The following PCDH15 variants were observed in gnomAD, a reference collection of about 807,000 sequenced individuals.
The protein encoded by PCDH15 is protocadherin-15.
PCDH15 carries 129 observed loss-of-function variants against 178.5 expected under a neutral mutation model. The ratio of observed to expected loss-of-function variants is 0.72; its 90% confidence interval spans 0.63 to 0.84. The LOEUF is 0.84. PCDH15 is among the 40% of genes least tolerant of loss of function. PCDH15 has a pLI of 0.00. For missense variants in PCDH15, 2,230 were observed against 2,099.9 expected, an observed-to-expected ratio of 1.06 and a Z score of -1.21; for synonymous variants, 800 against 732.0, an observed-to-expected ratio of 1.09 and a Z score of -1.50.
intron 2 of PCDH15, among the ~76,000 whole-genome samples, chr10:55,416,044 C>T (rs1034984412): frequency 3.6e-4 from 39 of 109,666 alleles, no homozygotes; most frequent in Non-Finnish European, 3.3e-4. Flanking sequence ...AAAAAACAAA[C>T]AAACAAGCAA....
chr10:54,257,472 G>T (rs1425034124), intron 8 of PCDH15, among the ~76,000 whole-genome samples: 3 of 146,382 alleles, frequency 2.0e-5, no homozygotes, highest in Admixed American at 7.0e-5. Flanking sequence ...GTAAGGCAAG[G>T]TTCCCTAAAG....
intron 1 of PCDH15, among the ~76,000 whole-genome samples, chr10:55,291,277 T>C: frequency 6.6e-6 from 1 of 152,128 alleles, no homozygotes; most frequent in Non-Finnish European, 1.5e-5. Flanking sequence ...TAAAACTTAA[T>C]ACAATGACAA....
At chr10:54,834,384 G>A (rs1385751770) in intron 3 of PCDH15, among the ~76,000 whole-genome samples, 1 of 151,772 alleles carries the variant, frequency 6.6e-6, no homozygotes, top group Non-Finnish European at 1.5e-5. Context: ...TTGCCACGTT[G>A]GTCAGGCTGG....
At chr10:54,609,148 A>G (rs965415254) in intron 2 of PCDH15, among the ~76,000 whole-genome samples, 21 of 152,266 alleles carry the variant, frequency 1.4e-4, no homozygotes, top group African/African-American at 5.1e-4. Context: ...TTTGGAAAAT[A>G]TAAATGAGCA....
intron 15 of PCDH15, among the ~76,000 whole-genome samples, chr10:54,097,862 G>A (rs2094728298): frequency 6.6e-6 from 1 of 152,060 alleles, no homozygotes; most frequent in Admixed American, 6.6e-5. Flanking sequence ...AGGAGGGGAG[G>A]GCATGGGACA....
chr10:54,608,964 T>C (rs2092866110), intron 2 of PCDH15, among the ~76,000 whole-genome samples: 1 of 152,126 alleles, frequency 6.6e-6, no homozygotes, highest in Admixed American at 6.6e-5. Context: ...ATAAGATGTA[T>C]GTGAGCAAAA....
At chr10:54,822,545 C>T (rs118113662) in intron 3 of PCDH15, among the ~76,000 whole-genome samples, 2,891 of 152,100 alleles carry the variant, frequency 0.019, 36 homozygotes, top group Admixed American at 0.029. Context: ...TTGATGAAAA[C>T]TTAGGTTGAC....
In PCDH15 at chr10:54,536,997, C is replaced by CTTTTTTTTTTT. The variant is rs747880795; in HGVS notation, c.92-9131_92-9121dup. Among the ~76,000 whole-genome samples, 5 of 92,118 alleles carry CTTTTTTTTTTT rather than the reference C, an allele frequency of 5.4e-5. 1 individual carries two copies. Among genetic ancestry groups the CTTTTTTTTTTT allele is most frequent in the South Asian group, 4.1e-4 (1 of 2,468 alleles). 60.4% of individuals were successfully genotyped at this position (92,118 alleles called of 152,430 possible). ...ACTATTTGGTGGAACAATTTGTTTCCTTTTTTTTTTTTTTTTTTTTTGAGA... is the reference window on the plus strand; with the variant it reads ...ACTATTTGGTGGAACAATTTGTTTCCTTTTTTTTTTTTTTTTTTTTTTTTTTTTTTTTGAGA... On this transcript the variant is annotated intron_variant, in intron 2 of 37. Transcript: ENST00000644397.
At chr10:54,435,055 T>C (rs367578429) in intron 3 of PCDH15, among the ~76,000 whole-genome samples, 3 of 151,592 alleles carry the variant, frequency 2.0e-5, no homozygotes, top group African/African-American at 7.3e-5. Flanking sequence ...TTTAAACTTA[T>C]CTTACTTCCT....
At chr10:54,981,552 A>G (rs1839231924) in intron 2 of PCDH15, among the ~76,000 whole-genome samples, 2 of 152,208 alleles carry the variant, frequency 1.3e-5, no homozygotes, top group African/African-American at 4.8e-5. Flanking sequence ...CTCCATATCA[A>G]ACCAGATTGC....
intron 2 of PCDH15, among the ~76,000 whole-genome samples, chr10:54,912,765 A>T (rs1043962091): frequency 1.3e-5 from 2 of 152,174 alleles, no homozygotes; most frequent in Non-Finnish European, 2.9e-5. Context: ...AGACAGAAAG[A>T]TGAGGGAAAG....
intron 2 of PCDH15, among the ~76,000 whole-genome samples, chr10:55,580,103 C>T (rs774085378): frequency 1.3e-5 from 2 of 152,144 alleles, no homozygotes; most frequent in Admixed American, 6.5e-5. Context: ...GTGATCCACC[C>T]GCCTCGGCCT....
intron 3 of PCDH15, among the ~76,000 whole-genome samples, chr10:54,810,897 T>A (rs537991172): frequency 5.0e-4 from 76 of 152,270 alleles, no homozygotes; most frequent in Non-Finnish European, 7.5e-4. Flanking sequence ...ACCTTAAGAA[T>A]TCTTTTAAAC....
rs191945973 is a variant in PCDH15 at position 54,036,649 on chromosome 10, G to T, written c.2221-13452C>A. On this transcript the variant is annotated intron_variant, in intron 18 of 37. Transcript: ENST00000644397. ...ATGCACCTGGTCACTCAAGAGTTCTGATGGAGATGTAAAAGGACATCAGTG... is the reference window on the plus strand; with the variant it reads ...ATGCACCTGGTCACTCAAGAGTTCTTATGGAGATGTAAAAGGACATCAGTG... Among the ~76,000 whole-genome samples, 12 of 151,930 alleles carry T rather than the reference G, an allele frequency of 7.9e-5. No individual in the cohort carries two copies. The East Asian group carries it at 2.3e-3, about 30-fold the overall frequency.
chr10:55,331,911 A>G (rs1370155665), intron 2 of PCDH15, among the ~76,000 whole-genome samples: 1 of 152,152 alleles, frequency 6.6e-6, no homozygotes, highest in African/African-American at 2.4e-5. Flanking sequence ...TGATAATGGA[A>G]AACAAATGCA....
At chr10:54,675,498 T>G (rs1316518315) in intron 1 of PCDH15, among the ~76,000 whole-genome samples, 1 of 148,738 alleles carries the variant, frequency 6.7e-6, no homozygotes, top group Non-Finnish European at 1.5e-5. Context: ...AATTTTTAAC[T>G]CTCTCTATTT....
At chr10:55,332,570 A>C (rs541453286) in intron 2 of PCDH15, among the ~76,000 whole-genome samples, 1 of 152,140 alleles carries the variant, frequency 6.6e-6, no homozygotes, top group African/African-American at 2.4e-5. Flanking sequence ...AGAATAAAGT[A>C]TCTTGCTGAC....
intron 1 of PCDH15, among the ~76,000 whole-genome samples, chr10:54,797,785 C>T (rs754104147): frequency 6.6e-5 from 10 of 151,880 alleles, no homozygotes; most frequent in Non-Finnish European, 1.0e-4. Flanking sequence ...ATAAATAGCA[C>T]ACATGTGTAT....
intron 5 of PCDH15, among the ~76,000 whole-genome samples, chr10:54,351,834 T>C (rs1042527316): frequency 6.6e-6 from 1 of 152,196 alleles, no homozygotes; most frequent in African/African-American, 2.4e-5. Context: ...CTTGCCAGTT[T>C]TCCTACAAGA....
Sources: allele counts gnomAD v4.1 joint callset (sites outside exome capture counted in the v4.1 genomes callset), GRCh38; gene constraint gnomAD v4.1.1; transcripts MANE v1.5; gene names NCBI Gene and HGNC (gene_info 2026-07-23, HGNC 2026-07-21).